The following RASGRF2 variants were observed in gnomAD, a reference collection of about 807,000 sequenced individuals.
RASGRF2 encodes the protein Ras protein specific guanine nucleotide releasing factor 2, also known as ras-specific guanine nucleotide-releasing factor 2.
Under a neutral mutation model 151.0 loss-of-function variants are expected in RASGRF2, and 76 were observed. That is an observed-to-expected ratio of 0.50 (90% confidence interval 0.42 to 0.61). RASGRF2 has a LOEUF of 0.61. RASGRF2 is among the 20% of genes least tolerant of loss of function. RASGRF2 has a pLI of 0.00. For missense variants in RASGRF2, 1,148 were observed against 1,564.6 expected (o/e 0.73, Z 4.49); for synonymous variants, 504 against 566.5 (o/e 0.89, Z 1.57).
intron 1 of RASGRF2, among the ~76,000 whole-genome samples, chr5:81,040,649 C>A (rs1483158388): frequency 1.3e-5 from 2 of 152,202 alleles, no homozygotes; most frequent in Admixed American, 1.3e-4. Flanking sequence ...AAGGCCCCCA[C>A]CCCCTTGGAT....
intron 16 of RASGRF2, among the ~76,000 whole-genome samples, chr5:81,125,896 C>T (rs1753440899): frequency 6.6e-6 from 1 of 152,232 alleles, no homozygotes; most frequent in Non-Finnish European, 1.5e-5. Context: ...ACAAGGACAG[C>T]ATCACATATT....
chr5:81,220,231 C>A (rs1029189575), intron 26 of RASGRF2, among the ~76,000 whole-genome samples: 1 of 152,150 alleles, frequency 6.6e-6, no homozygotes, highest in African/African-American at 2.4e-5. Context: ...TGTGAAGTCT[C>A]GCATTATATG....
intron 2 of RASGRF2, among the ~76,000 whole-genome samples, chr5:81,056,015 T>C (rs1751196524): frequency 6.6e-6 from 1 of 152,210 alleles, no homozygotes; most frequent in Admixed American, 6.5e-5. Flanking sequence ...GATTCTTCTC[T>C]CTTTTCTTCT....
At chr5:80,973,847 AGTTCATT>A (rs1263385805) in intron 1 of RASGRF2, among the ~76,000 whole-genome samples, 1 of 152,188 alleles carries the variant, frequency 6.6e-6, no homozygotes, top group African/African-American at 2.4e-5. Flanking sequence ...CTGGACAGCC[AGTTCATT>A]GTTGAGTATA....
At chr5:81,044,396 G>T (rs1034740717) in intron 2 of RASGRF2, among the ~76,000 whole-genome samples, 1 of 151,936 alleles carries the variant, frequency 6.6e-6, no homozygotes, top group African/African-American at 2.4e-5. Flanking sequence ...CCAGTCTTGG[G>T]GAGAGAGCAA....
chr5:81,059,959 C>T (rs184048045), intron 2 of RASGRF2, among the ~76,000 whole-genome samples: 1 of 152,326 alleles, frequency 6.6e-6, no homozygotes, highest in East Asian at 1.9e-4. Context: ...GGCATCTGCC[C>T]CACTTCTGGA....
intron 17 of RASGRF2, among the ~76,000 whole-genome samples, chr5:81,151,929 G>A (rs1754145798): frequency 6.6e-6 from 1 of 152,084 alleles, no homozygotes; most frequent in Non-Finnish European, 1.5e-5. Flanking sequence ...ATTCATTTAT[G>A]TTGCAGTACT....
intron 17 of RASGRF2, among the ~76,000 whole-genome samples, chr5:81,149,067 A>G (rs1336520940): frequency 6.6e-6 from 1 of 152,204 alleles, no homozygotes; most frequent in African/African-American, 2.4e-5. Flanking sequence ...TACAACTACT[A>G]TGGAAAACAG....
chr5:81,153,219 T>C (rs1343352863), intron 17 of RASGRF2, among the ~76,000 whole-genome samples: 2 of 152,166 alleles, frequency 1.3e-5, no homozygotes, highest in South Asian at 2.1e-4. Flanking sequence ...GTGTGATCCG[T>C]GTGTATGTTA....
At chr5:81,063,520 T>A (rs1323792743) in intron 2 of RASGRF2, among the ~76,000 whole-genome samples, 1 of 152,202 alleles carries the variant, frequency 6.6e-6, no homozygotes, top group Non-Finnish European at 1.5e-5. Context: ...ATTACAGGTG[T>A]GAGCCACAGT....
chr5:81,145,758 T>C (rs925916054), intron 17 of RASGRF2, among the ~76,000 whole-genome samples: 2 of 152,224 alleles, frequency 1.3e-5, no homozygotes, highest in Non-Finnish European at 2.9e-5. Flanking sequence ...AGTGGACACC[T>C]GGACTCCAGC....
intron 15 of RASGRF2, among the ~76,000 whole-genome samples, chr5:81,118,135 C>G (rs1213148154): frequency 6.6e-6 from 1 of 152,270 alleles, no homozygotes; most frequent in Non-Finnish European, 1.5e-5. Flanking sequence ...GCCTCACTCT[C>G]ATGGCTCCAC....
chr5:81,120,097 C>G (rs570687459), intron 15 of RASGRF2, among the ~76,000 whole-genome samples: 58 of 152,270 alleles, frequency 3.8e-4, no homozygotes, highest in Non-Finnish European at 4.6e-4. Flanking sequence ...TAATGCATCC[C>G]CCTTAGCTCT....
intron 1 of RASGRF2, among the ~76,000 whole-genome samples, chr5:81,018,664 A>G (rs4704695): frequency 0.21 from 31,213 of 152,108 alleles, 3,258 homozygotes; most frequent in Admixed American, 0.24. Context: ...ACAAGCAGCT[A>G]CAGAAAGAAG....
intron 17 of RASGRF2, among the ~76,000 whole-genome samples, chr5:81,130,504 T>C (rs1037226583): frequency 6.6e-6 from 1 of 152,112 alleles, no homozygotes; most frequent in African/African-American, 2.4e-5. Context: ...AGATTTCACC[T>C]GCCTGGGAGA....
chr5:81,165,422 A>AGG (rs1189491979), intron 17 of RASGRF2, among the ~76,000 whole-genome samples: 1 of 152,200 alleles, frequency 6.6e-6, no homozygotes, highest in Non-Finnish European at 1.5e-5. Context: ...TTTTCCATGC[A>AGG]GGGAGGTATA....
intron 1 of RASGRF2, among the ~76,000 whole-genome samples, chr5:81,003,389 A>T (rs527309201): frequency 1.1e-3 from 160 of 151,946 alleles, no homozygotes; most frequent in Non-Finnish European, 1.5e-3. Context: ...CGCCCACCTA[A>T]TTTTTTTGTA....
Position 81,207,366 on chromosome 5 carries a change from A to C in RASGRF2, c.3071+17A>C. 2 of 1,601,052 alleles carry C rather than the reference A, an allele frequency of 1.2e-6. No homozygotes were observed. Among genetic ancestry groups the C allele is most frequent in the Non-Finnish European group, 1.7e-6 (2 of 1,168,448 alleles). ...TCCCTACGAGTGAGTGCCACCCCCC[A>C]CAGCAGCAGGGCTCGGCTGCTCTAG... On this transcript the variant is annotated intron_variant, in intron 21 of 26. Transcript: ENST00000265080.
chr5:80,992,769 C>A (rs1325923495), intron 1 of RASGRF2, among the ~76,000 whole-genome samples: 1 of 152,116 alleles, frequency 6.6e-6, no homozygotes, highest in East Asian at 1.9e-4. Flanking sequence ...GATACACCTA[C>A]AAAGATTAAA....
Sources: gnomAD v4.1 joint callset for allele counts (sites outside exome capture counted in the v4.1 genomes callset) on GRCh38, gnomAD v4.1.1 for gene constraint, MANE v1.5 for transcripts, NCBI Gene and HGNC (gene_info 2026-07-23, HGNC 2026-07-21) for gene names.